The following TENM3 variants were observed in gnomAD, a reference collection of about 807,000 sequenced individuals.
TENM3 encodes teneurin-3.
In TENM3, 63 loss-of-function variants were observed where a neutral mutation model predicts 255.1. That is an observed-to-expected ratio of 0.25 (90% CI 0.20 to 0.30). The LOEUF is 0.30. Among genes scored for constraint, TENM3 ranks in the 10% least tolerant of loss-of-function variants. The pLI is 1.00. For synonymous variants in TENM3, 1,306 were observed against 1,322.3 expected, an observed-to-expected ratio of 0.99 and a Z score of 0.27; for missense variants, 2,929 against 3,461.1, an observed-to-expected ratio of 0.85 and a Z score of 3.86.
intron 13 of TENM3, among the ~76,000 whole-genome samples, chr4:182,719,506 C>G (rs1027797789): frequency 1.3e-5 from 2 of 151,676 alleles, no homozygotes; most frequent in African/African-American, 2.4e-5. Context: ...TGATCCGCCC[C>G]CCTCGGCCTC....
chr4:182,249,854 G>A (rs1055260243), intron 1 of TENM3, among the ~76,000 whole-genome samples: 2 of 151,300 alleles, frequency 1.3e-5, no homozygotes, highest in East Asian at 2.0e-4. Context: ...AGCCTCACAC[G>A]CCTGAGCTCA....
chr4:181,747,780 C>T, the TENM3 span, among the ~76,000 whole-genome samples: 1 of 151,812 alleles, frequency 6.6e-6, no homozygotes, highest in African/African-American at 2.4e-5. Context: ...TTTTATGATT[C>T]TATTTTTCAT....
At chr4:182,737,153 G>A in intron 17 of TENM3, 78 bp downstream of exon 17, 1 of 1,405,650 alleles carries the variant, frequency 7.1e-7, no homozygotes. Context: ...GTAACCCAGG[G>A]AAGTCAGTGG....
intron 1 of TENM3, among the ~76,000 whole-genome samples, chr4:182,244,649 G>T (rs1158035844): frequency 1.3e-5 from 2 of 152,170 alleles, no homozygotes; most frequent in African/African-American, 4.8e-5. Flanking sequence ...CAGTTCCCAG[G>T]CTCTTCCCTC....
chr4:182,656,977 A>G (rs1444937338), intron 6 of TENM3, among the ~76,000 whole-genome samples: 1 of 152,174 alleles, frequency 6.6e-6, no homozygotes, highest in African/African-American at 2.4e-5. Flanking sequence ...ACTGATGGAA[A>G]TGGACAAAGT....
At chr4:182,076,018 A>G in the TENM3 span, among the ~76,000 whole-genome samples, 1 of 152,020 alleles carries the variant, frequency 6.6e-6, no homozygotes, top group Non-Finnish European at 1.5e-5. Context: ...GGCTCAAGCA[A>G]TCCTCCCACC....
At chr4:182,544,089 G>A (rs180722507) in intron 3 of TENM3, among the ~76,000 whole-genome samples, 3 of 152,232 alleles carry the variant, frequency 2.0e-5, no homozygotes, top group African/African-American at 7.2e-5. Context: ...ACAAATAAGT[G>A]AGTTATCAGA....
chr4:182,728,845 CAGAT>C, intron 13 of TENM3, 116 bp from the exon 14 acceptor site: 1 of 726,080 alleles, frequency 1.4e-6, no homozygotes, highest in Non-Finnish European at 2.3e-6. Context: ...AAATTACTAT[CAGAT>C]AGTCGGGAGA....
the TENM3 span, among the ~76,000 whole-genome samples, chr4:181,598,635 G>C: frequency 3.4e-5 from 5 of 149,050 alleles, no homozygotes; most frequent in East Asian, 7.9e-4. Context: ...ATTATTCCAT[G>C]ATCAAAAGCC....
the TENM3 span, among the ~76,000 whole-genome samples, chr4:181,477,861 A>G: frequency 6.6e-6 from 1 of 152,210 alleles, no homozygotes; most frequent in African/African-American, 2.4e-5. Flanking sequence ...ACAGGAGTCT[A>G]CAATTTTGGT....
Position 182,737,054 on chromosome 4 carries a change from T to G in TENM3, c.3214T>G (p.Tyr1072Asp). The change falls in exon 17 of 28, where the codon TAT (tyrosine) becomes GAT (aspartate). Residue 1072 changes from tyrosine (Y) to aspartate (D), a missense_variant. Coordinates refer to ENST00000511685, the MANE Select transcript of TENM3 (RefSeq NM_001080477.4). The part of the protein sequence containing the change: ...DKTDAYNQKV[Y>D]GLSEAVVSVG... ...AACAGATGCATATAATCAGAAAGTC[T>G]ATGGTCTATCTGAAGCTGTTGGTAA... 6.2e-7 allele frequency: 1 copy of G among 1,613,728 alleles called. No homozygotes were observed. The highest frequency in any genetic ancestry group is 8.5e-7 in the Non-Finnish European group (1 of 1,179,748).
the TENM3 span, among the ~76,000 whole-genome samples, chr4:181,890,571 A>G: frequency 6.6e-6 from 1 of 152,282 alleles, no homozygotes; most frequent in East Asian, 1.9e-4. Flanking sequence ...TTTTAAAAAA[A>G]TTTTTGCACT....
intron 3 of TENM3, among the ~76,000 whole-genome samples, chr4:182,521,121 T>C (rs1440302171): frequency 1.3e-5 from 2 of 152,160 alleles, no homozygotes; most frequent in African/African-American, 2.4e-5. Context: ...ACTTAGAAAA[T>C]ATATTTCACA....
chr4:182,027,508 T>C, the TENM3 span, among the ~76,000 whole-genome samples: 1 of 152,096 alleles, frequency 6.6e-6, no homozygotes, highest in Non-Finnish European at 1.5e-5. Flanking sequence ...CAGTACTATA[T>C]TGAATAACAG....
chr4:182,622,352 A>G (rs1750369603), intron 4 of TENM3, among the ~76,000 whole-genome samples: 1 of 152,218 alleles, frequency 6.6e-6, no homozygotes. Flanking sequence ...TATCGCAAAA[A>G]AAAAGAAAAA....
intron 3 of TENM3, among the ~76,000 whole-genome samples, chr4:182,406,437 T>C (rs1406805236): frequency 6.6e-6 from 1 of 152,186 alleles, no homozygotes; most frequent in Non-Finnish European, 1.5e-5. Flanking sequence ...AAAGAAGAAT[T>C]AGTCAGCATT....
At chr4:182,579,702 CT>C (rs1364754467) in intron 3 of TENM3, among the ~76,000 whole-genome samples, 8 of 118,516 alleles carry the variant, frequency 6.8e-5, no homozygotes, top group African/African-American at 3.1e-4. Flanking sequence ...AATTTGAAAA[CT>C]TCTCTTTTTT....
chr4:181,496,614 T>C, the TENM3 span, among the ~76,000 whole-genome samples: 1 of 152,218 alleles, frequency 6.6e-6, no homozygotes, highest in African/African-American at 2.4e-5. Context: ...AAAATCATAG[T>C]TTATCTGAAT....
At chr4:182,136,418 T>C in the TENM3 span, among the ~76,000 whole-genome samples, 3 of 152,164 alleles carry the variant, frequency 2.0e-5, no homozygotes, top group African/African-American at 7.2e-5. Context: ...GTATAGATGT[T>C]GTCTGGGTGA....
Sources: gnomAD v4.1 joint callset for allele counts (sites outside exome capture counted in the v4.1 genomes callset) on GRCh38, gnomAD v4.1.1 for gene constraint, MANE v1.5 for transcripts, NCBI Gene and HGNC (gene_info 2026-07-23, HGNC 2026-07-21) for gene names.